The following L3MBTL4 variants were observed in gnomAD, a reference collection of about 807,000 sequenced individuals.
L3MBTL4 encodes the protein lethal(3)malignant brain tumor-like protein 4.
Under a neutral mutation model 84.5 loss-of-function variants are expected in L3MBTL4, and 70 were observed. That is an observed-to-expected ratio of 0.83 (90% confidence interval 0.68 to 1.01). The LOEUF (loss-of-function observed/expected upper bound fraction) is 1.01, where lower values mean the gene tolerates loss of function less well. Among genes scored for constraint, L3MBTL4 ranks in the 50% least tolerant of loss-of-function variants. The pLI, the probability that L3MBTL4 is intolerant of heterozygous loss-of-function variation, is 0.00. For synonymous variants in L3MBTL4, 274 were observed against 259.8 expected (o/e 1.05, Z -0.52); for missense variants, 715 against 754.8 (o/e 0.95, Z 0.62).
At chr18:6,175,024 T>C (rs1216795154) in intron 12 of L3MBTL4, among the ~76,000 whole-genome samples, 1 of 151,844 alleles carries the variant, frequency 6.6e-6, no homozygotes, top group East Asian at 1.9e-4. Context: ...GAAAGGATAA[T>C]GGTTAAAACA....
intron 14 of L3MBTL4, among the ~76,000 whole-genome samples, chr18:6,108,157 C>G (rs913747365): frequency 1.3e-5 from 2 of 152,180 alleles, no homozygotes; most frequent in Non-Finnish European, 2.9e-5. Flanking sequence ...TGGTCTCCAA[C>G]TGCAGTCCAG....
chr18:6,149,536 T>C (rs1329936735), intron 13 of L3MBTL4, among the ~76,000 whole-genome samples: 9 of 152,106 alleles, frequency 5.9e-5, no homozygotes, highest in African/African-American at 2.2e-4. Flanking sequence ...TATAGCAGCA[T>C]GATTTATAAT....
chr18:6,274,708 A>G (rs2049009151), intron 4 of L3MBTL4, among the ~76,000 whole-genome samples: 2 of 152,152 alleles, frequency 1.3e-5, no homozygotes, highest in African/African-American at 4.8e-5. Context: ...TGGCAATTTT[A>G]GGGATCACGG....
intron 1 of L3MBTL4, 128 bp from the exon 2 acceptor site, chr18:6,312,184 A>C (rs1185809549): frequency 1.3e-5 from 2 of 152,326 alleles, no homozygotes; most frequent in East Asian, 3.8e-4. Flanking sequence ...AGGGCAGGCC[A>C]ACCGTTTTGG....
At chr18:6,135,608 T>C (rs534999164) in intron 14 of L3MBTL4, among the ~76,000 whole-genome samples, 6 of 151,376 alleles carry the variant, frequency 4.0e-5, no homozygotes, top group Admixed American at 1.3e-4. Context: ...ATGCTGCCAG[T>C]CTCTTTGCTA....
At chr18:6,160,924 A>T (rs1346318406) in intron 13 of L3MBTL4, among the ~76,000 whole-genome samples, 1 of 152,176 alleles carries the variant, frequency 6.6e-6, no homozygotes, top group East Asian at 1.9e-4. Flanking sequence ...AGTAAAAGAA[A>T]TGAGCTCCAT....
chr18:6,192,615 G>A (rs767766311), intron 12 of L3MBTL4, among the ~76,000 whole-genome samples: 9 of 152,004 alleles, frequency 5.9e-5, no homozygotes, highest in Non-Finnish European at 1.0e-4. Context: ...TTAGGAGAGG[G>A]AAAAAAAGAT....
intron 13 of L3MBTL4, among the ~76,000 whole-genome samples, chr18:6,154,269 A>G (rs911879957): frequency 6.6e-6 from 1 of 152,184 alleles, no homozygotes; most frequent in Non-Finnish European, 1.5e-5. Flanking sequence ...AAATTTTTAT[A>G]TGTTTATGTA....
intron 16 of L3MBTL4, among the ~76,000 whole-genome samples, chr18:5,998,181 T>C (rs2054062930): frequency 6.6e-6 from 1 of 152,188 alleles, no homozygotes; most frequent in South Asian, 2.1e-4. Flanking sequence ...TGGCCAGGTA[T>C]GGCCGATGCT....
At chr18:6,335,468 C>T (rs988065250) in intron 1 of L3MBTL4, among the ~76,000 whole-genome samples, 40 of 152,174 alleles carry the variant, frequency 2.6e-4, no homozygotes, top group African/African-American at 9.2e-4. Flanking sequence ...GTCATGACTA[C>T]TCTAAAATCA....
In L3MBTL4 at chr18:6,031,570, G is replaced by C. The variant is rs79170277; in HGVS notation, c.1444+49311C>G. ...GGGCCGGTCAGTTCTGATTTCAGCA[G>C]GGCTCATTCACATGTTTGTTGGACA... On this transcript the variant is annotated intron_variant, in intron 16 of 18. Coordinates refer to ENST00000317931, the MANE Select transcript of L3MBTL4 (RefSeq NM_001330559.2). 11,155 of 946,062 alleles carry C rather than the reference G, an allele frequency of 0.012. 780 individuals are homozygous for C. In the African/African-American group the frequency reaches 0.17, roughly 14 times the overall value. The allele number at this position is 946,062 out of a possible 1,614,324, so 58.6% of individuals were successfully genotyped here. A position where few individuals can be genotyped will look rare whatever the true frequency, so the allele number is the denominator to read the frequency against.
intron 1 of L3MBTL4, among the ~76,000 whole-genome samples, chr18:6,339,388 A>T (rs1187509858): frequency 6.6e-6 from 1 of 152,208 alleles, no homozygotes; most frequent in Non-Finnish European, 1.5e-5. Flanking sequence ...AATGCTTCTA[A>T]TATCAAAATA....
At chr18:6,257,220 G>A (rs2048181591) in intron 5 of L3MBTL4, among the ~76,000 whole-genome samples, 1 of 152,094 alleles carries the variant, frequency 6.6e-6, no homozygotes, top group Non-Finnish European at 1.5e-5. Context: ...GGCTTACTGA[G>A]GCAGCGCAGG....
At position 6,373,265 on chromosome 18, in the gene L3MBTL4, G is replaced by T. The variant is rs976490246; in HGVS notation, c.-91+41536C>A. On this transcript the variant is annotated intron_variant, in intron 1 of 18. Coordinates refer to ENST00000317931, the MANE Select transcript of L3MBTL4 (RefSeq NM_001330559.2). ...GAGAGCTTGTCTCTTGCACAGTAAA[G>T]AAACAACCTGAAACAAAGTAGTCTT... Among the ~76,000 whole-genome samples the T allele has an allele frequency of 3.3e-5, 5 of 152,284 alleles. No homozygotes were observed. In the East Asian group the frequency reaches 9.7e-4, roughly 29 times the overall value.
chr18:6,009,818 G>A (rs1019739868), intron 16 of L3MBTL4, among the ~76,000 whole-genome samples: 27 of 152,198 alleles, frequency 1.8e-4, no homozygotes, highest in African/African-American at 6.0e-4. Flanking sequence ...TCCTGTAAAT[G>A]TGTGTGAGAA....
At position 6,161,661 on chromosome 18, in the gene L3MBTL4, C is replaced by T. The variant is rs117520203; in HGVS notation, c.1096+10167G>A. Among the ~76,000 whole-genome samples the T allele has an allele frequency of 1.6e-4, 24 of 152,272 alleles. No homozygotes were observed. The East Asian group carries it at 4.6e-3, about 29-fold the overall frequency. ...AGTTCTAGTGTTGCCTACACTTGTG[C>T]CATTTTCACCTCTAGAGAGGCTGCC... On this transcript the variant is annotated intron_variant, in intron 13 of 18. Transcript: ENST00000317931.
chr18:6,293,349 C>A (rs1001107268), intron 4 of L3MBTL4, among the ~76,000 whole-genome samples: 1 of 152,024 alleles, frequency 6.6e-6, no homozygotes, highest in Non-Finnish European at 1.5e-5. Flanking sequence ...CCTAAAACAT[C>A]TTGTGTCAGA....
chr18:6,288,842 T>C (rs2049713934), intron 4 of L3MBTL4, among the ~76,000 whole-genome samples: 1 of 151,626 alleles, frequency 6.6e-6, no homozygotes, highest in Non-Finnish European at 1.5e-5. Context: ...GAAATTTTCA[T>C]ATAATTTAAA....
At chr18:6,115,943 T>A (rs1689821867) in intron 14 of L3MBTL4, among the ~76,000 whole-genome samples, 1 of 152,016 alleles carries the variant, frequency 6.6e-6, no homozygotes, top group African/African-American at 2.4e-5. Flanking sequence ...GCACAGCCAG[T>A]GTGAGGAATT....
Sources: gnomAD v4.1 joint callset for allele counts (sites outside exome capture counted in the v4.1 genomes callset) on GRCh38, gnomAD v4.1.1 for gene constraint, MANE v1.5 for transcripts, NCBI Gene and HGNC (gene_info 2026-07-23, HGNC 2026-07-21) for gene names.